Variants in ZNF486 observed in about 807,000 individuals in gnomAD.
The protein encoded by ZNF486 is KRAB box only protein 2.
Under a neutral mutation model 12.8 loss-of-function variants are expected in ZNF486, and 12 were observed. The observed-to-expected ratio is 0.94, with a 90% CI of 0.60 to 1.52. The LOEUF (loss-of-function observed/expected upper bound fraction) is 1.52, where lower values mean the gene tolerates loss of function less well. Among genes scored for constraint, ZNF486 ranks in the 40% most tolerant of loss-of-function variants. The pLI is 0.00. For synonymous variants in ZNF486, 231 were observed against 184.9 expected, an observed-to-expected ratio of 1.25 and a Z score of -2.02; for missense variants, 738 against 545.0, an observed-to-expected ratio of 1.35 and a Z score of -3.53.
At position 20,197,614 on chromosome 19, in the gene ZNF486, G is replaced by T. The variant is rs374770092; in HGVS notation, c.904G>T (p.Ala302Ser). Residue 302 changes from alanine (A) to serine (S), a missense_variant, in exon 4 of 4, where the codon GCT (alanine) becomes TCT (serine). Physicochemically the swap from Ala to Ser is moderately conservative, Grantham distance 99. Transcript: ENST00000335117. ...CTACAAATGTAAAGAATGTGACAAAGCTTTTAACCATCCTGCAACTCTTTC... is the reference window on the plus strand; with the variant it reads ...CTACAAATGTAAAGAATGTGACAAATCTTTTAACCATCCTGCAACTCTTTC... Reference protein sequence around the residue: ...QPYKCKECDKAFNHPATLSSH... With the variant: ...QPYKCKECDKSFNHPATLSSH... The T allele has an allele frequency of 3.2e-5, 52 of 1,613,678 alleles. No homozygotes were observed. The highest frequency in any genetic ancestry group is 6.7e-5 in the African/African-American group (5 of 74,878).
At chr19:20,182,267 A>G (rs1024558445) in intron 1 of ZNF486, among the ~76,000 whole-genome samples, 1 of 152,222 alleles carries the variant, frequency 6.6e-6, no homozygotes, top group Non-Finnish European at 1.5e-5. Context: ...ACCCTTTTCA[A>G]GCCTCCAGAA....
chr19:20,197,631 A>C lies in ZNF486; in HGVS notation c.921A>C (p.Ala307=). The change falls in exon 4 of 4, where the codon GCA becomes GCC. Residue 307 remains alanine, a synonymous_variant. Coordinates refer to ENST00000335117, the MANE Select transcript of ZNF486 (RefSeq NM_052852.4). The part of the protein sequence containing the change: ...KECDKAFNHP[A]TLSSHKKIHT... ...GTGACAAAGCTTTTAACCATCCTGCAACTCTTTCTTCACATAAGAAAATTC... is the reference window on the plus strand; with the variant it reads ...GTGACAAAGCTTTTAACCATCCTGCCACTCTTTCTTCACATAAGAAAATTC... The C allele has an allele frequency of 1.9e-6, 3 of 1,613,822 alleles. No individual in the cohort carries two copies. Among genetic ancestry groups the C allele is most frequent in the Non-Finnish European group, 2.5e-6 (3 of 1,179,848 alleles).
chr19:20,197,966 C>T lies in ZNF486; in HGVS notation c.1256C>T (p.Ser419Leu). The change falls in exon 4 of 4, where the codon TCA becomes TTA. Residue 419 changes from serine to leucine, a missense_variant. By Grantham distance (145) the Ser-to-Leu change is moderately radical. Coordinates refer to ENST00000335117, the MANE Select transcript of ZNF486 (RefSeq NM_052852.4). ...TGTGGCAAAGCGTATACTACATCCT[C>T]AAATCTAACTGAACATAAGACAACT... ...EECGKAYTTS[S>L]NLTEHKTTHT... 6.2e-7 allele frequency: 1 copy of T among 1,613,774 alleles called. No individual in the cohort carries two copies. Among genetic ancestry groups the T allele is most frequent in the Non-Finnish European group, 8.5e-7 (1 of 1,179,774 alleles).
chr19:20,188,790 C>A (rs2089874881), intron 3 of ZNF486: 2 of 227,968 alleles, frequency 8.8e-6, no homozygotes, highest in Non-Finnish European at 1.7e-5. Context: ...CCTCTCTCAC[C>A]CTCGACAGAC....
chr19:20,182,569 G>A (rs2089798295), intron 1 of ZNF486, among the ~76,000 whole-genome samples: 1 of 152,166 alleles, frequency 6.6e-6, no homozygotes, highest in Non-Finnish European at 1.5e-5. Context: ...CTAAAGGGTG[G>A]TCACAGGGCC....
chr19:20,189,321 T>G (rs1202853939), intron 3 of ZNF486, among the ~76,000 whole-genome samples: 5 of 152,194 alleles, frequency 3.3e-5, no homozygotes, highest in Non-Finnish European at 7.3e-5. Context: ...TCACCCACCT[T>G]GGCCTCCCAA....
chr19:20,184,351 T>C lies in ZNF486; in HGVS notation c.31-5T>C, dbSNP rs2089818690. 1 of 1,612,418 alleles carries C rather than the reference T, an allele frequency of 6.2e-7. No homozygotes were observed. Among genetic ancestry groups the C allele is most frequent in the Non-Finnish European group, 8.5e-7 (1 of 1,179,054 alleles). On this transcript the variant is annotated splice_region_variant and splice_polypyrimidine_tract_variant and intron_variant, in intron 1 of 3. Coordinates refer to ENST00000335117, the MANE Select transcript of ZNF486 (RefSeq NM_052852.4). ...TGAAAATGTGTGTGTGTGTGTGTTTTTCAGGAATCATTGCAATTTAGAGAT... is the reference window on the plus strand; with the variant it reads ...TGAAAATGTGTGTGTGTGTGTGTTTCTCAGGAATCATTGCAATTTAGAGAT...
At chr19:20,195,225 G>A (rs1555717724) in intron 3 of ZNF486, among the ~76,000 whole-genome samples, 1 of 151,966 alleles carries the variant, frequency 6.6e-6, no homozygotes, top group Non-Finnish European at 1.5e-5. Context: ...CCGCAGTACA[G>A]TGGTACAATC....
chr19:20,191,320 A>G (rs1555717147), intron 3 of ZNF486, among the ~76,000 whole-genome samples: 3 of 151,198 alleles, frequency 2.0e-5, no homozygotes, highest in Non-Finnish European at 4.4e-5. Flanking sequence ...AAATACAAAA[A>G]GCCGGGCGTG....
At chr19:20,190,473 C>A (rs1283334352) in intron 3 of ZNF486, among the ~76,000 whole-genome samples, 1 of 152,176 alleles carries the variant, frequency 6.6e-6, no homozygotes, top group Non-Finnish European at 1.5e-5. Flanking sequence ...TAGCCTCAGC[C>A]TCCTGGGCTC....
At chr19:20,192,228 G>A (rs1210602873) in intron 3 of ZNF486, among the ~76,000 whole-genome samples, 1 of 152,052 alleles carries the variant, frequency 6.6e-6, no homozygotes, top group Non-Finnish European at 1.5e-5. Flanking sequence ...ATGCTACAAT[G>A]AGTCTCTTGT....
chr19:20,172,803 C>A (rs375146578), intron 1 of ZNF486, among the ~76,000 whole-genome samples: 1 of 151,908 alleles, frequency 6.6e-6, no homozygotes, highest in East Asian at 1.9e-4. Flanking sequence ...CCACCACACC[C>A]TGCTAATTTT....
intron 1 of ZNF486, among the ~76,000 whole-genome samples, chr19:20,171,556 T>A (rs1345328905): frequency 6.6e-6 from 1 of 152,202 alleles, no homozygotes; most frequent in Admixed American, 6.5e-5. Context: ...AGCAACCTGT[T>A]TTCTCCACCA....
At chr19:20,175,976 TC>T (rs2089706346) in intron 1 of ZNF486, 1 of 166,538 alleles carries the variant, frequency 6.0e-6, no homozygotes, top group Non-Finnish European at 1.3e-5. Flanking sequence ...CCCACCTCCC[TC>T]CCGGACGGGG....
intron 1 of ZNF486, among the ~76,000 whole-genome samples, chr19:20,173,149 C>G (rs914511315): frequency 2.6e-5 from 4 of 152,156 alleles, no homozygotes; most frequent in African/African-American, 9.7e-5. Flanking sequence ...GTTTCTGTGT[C>G]TAGAATGGTA....
At chr19:20,175,778 A>T (rs1312700525) in intron 1 of ZNF486, among the ~76,000 whole-genome samples, 1 of 152,162 alleles carries the variant, frequency 6.6e-6, no homozygotes, top group Non-Finnish European at 1.5e-5. Context: ...TCTTTTCCGC[A>T]CCTTTCCCCC....
chr19:20,187,530 C>T (rs1447904401), intron 3 of ZNF486, among the ~76,000 whole-genome samples: 4 of 128,146 alleles, frequency 3.1e-5, no homozygotes, highest in East Asian at 4.5e-4. Flanking sequence ...TTGAGAGAGT[C>T]TCACTCTGTT....
chr19:20,188,284 G>C (rs1360016001), intron 3 of ZNF486: 3 of 392,728 alleles, frequency 7.6e-6, no homozygotes, highest in African/African-American at 6.2e-5. Context: ...TGATTTGAAG[G>C]TAATTTTCAA....
At chr19:20,194,425 G>A (rs1298609346) in intron 3 of ZNF486, among the ~76,000 whole-genome samples, 1 of 152,138 alleles carries the variant, frequency 6.6e-6, no homozygotes, top group South Asian at 2.1e-4. Flanking sequence ...GTGTAAGAAT[G>A]TTTTAAATAA....
Sources: allele counts gnomAD v4.1 joint callset (sites outside exome capture counted in the v4.1 genomes callset), GRCh38; gene constraint gnomAD v4.1.1; transcripts MANE v1.5; gene names NCBI Gene and HGNC (gene_info 2026-07-23, HGNC 2026-07-21).